TENM4: variants seen among roughly 807,000 people sequenced by gnomAD.
The protein encoded by TENM4 is teneurin transmembrane protein 4.
A neutral mutation model predicts 243.3 loss-of-function variants in TENM4; 82 were observed. That is an observed-to-expected ratio of 0.34 (90% CI 0.28 to 0.40). The LOEUF is 0.40. Among genes scored for constraint, TENM4 ranks in the 10% least tolerant of loss-of-function variants. The pLI is 1.00. For synonymous variants in TENM4, 1,412 were observed against 1,456.3 expected, an observed-to-expected ratio of 0.97 and a Z score of 0.69; for missense variants, 3,138 against 3,673.3, an observed-to-expected ratio of 0.85 and a Z score of 3.77.
chr11:79,410,590 A>G (rs1297645880), intron 1 of TENM4, among the ~76,000 whole-genome samples: 1 of 152,218 alleles, frequency 6.6e-6, no homozygotes, highest in Non-Finnish European at 1.5e-5. Flanking sequence ...GTCCTGTCCT[A>G]ACACATATGT....
chr11:79,012,462 T>C (rs1183671208), intron 6 of TENM4, among the ~76,000 whole-genome samples: 3 of 152,142 alleles, frequency 2.0e-5, no homozygotes. Flanking sequence ...TTGATCTTTG[T>C]AATAACCCTG....
chr11:79,107,737 T>G (rs1021625848), intron 4 of TENM4, among the ~76,000 whole-genome samples: 1 of 152,244 alleles, frequency 6.6e-6, no homozygotes, highest in South Asian at 2.1e-4. Context: ...ATGCCCTTGA[T>G]GCCACACGCA....
At chr11:79,378,451 G>T (rs775949153) in intron 1 of TENM4, among the ~76,000 whole-genome samples, 52 of 152,240 alleles carry the variant, frequency 3.4e-4, no homozygotes, top group Non-Finnish European at 6.2e-4. Flanking sequence ...GCCCAGCTAA[G>T]TGAGGAGCAT....
At chr11:79,128,420 A>T (rs1308366306) in intron 4 of TENM4, among the ~76,000 whole-genome samples, 1 of 152,212 alleles carries the variant, frequency 6.6e-6, no homozygotes, top group Non-Finnish European at 1.5e-5. Context: ...GAAATGGTAT[A>T]TACGTGATTG....
At chr11:79,221,850 G>A (rs569407320) in intron 2 of TENM4, among the ~76,000 whole-genome samples, 6 of 151,912 alleles carry the variant, frequency 3.9e-5, no homozygotes, top group South Asian at 2.1e-4. Flanking sequence ...TTTTTTACAC[G>A]TCCTCTGTGG....
intron 17 of TENM4, among the ~76,000 whole-genome samples, chr11:78,772,373 G>C (rs560249895): frequency 9.9e-5 from 15 of 152,094 alleles, no homozygotes; most frequent in Admixed American, 7.9e-4. Context: ...TTCTCCAAGG[G>C]GCTATCAAAA....
intron 2 of TENM4, among the ~76,000 whole-genome samples, chr11:79,291,347 T>C (rs1393346602): frequency 6.6e-6 from 1 of 152,116 alleles, no homozygotes; most frequent in Non-Finnish European, 1.5e-5. Context: ...CCAAAGAAGG[T>C]TTGCAAACAA....
chr11:79,299,996 C>T (rs1320274571), intron 1 of TENM4, among the ~76,000 whole-genome samples: 2 of 152,184 alleles, frequency 1.3e-5, no homozygotes, highest in African/African-American at 4.8e-5. Context: ...CAAATGGACC[C>T]CTGACTATTC....
At chr11:79,429,033 T>G (rs1859112795) in intron 1 of TENM4, among the ~76,000 whole-genome samples, 1 of 152,118 alleles carries the variant, frequency 6.6e-6, no homozygotes, top group Non-Finnish European at 1.5e-5. Flanking sequence ...CCTAGGTGAT[T>G]CTAATGCACC....
intron 6 of TENM4, among the ~76,000 whole-genome samples, chr11:78,949,377 A>G (rs1397446133): frequency 6.6e-6 from 1 of 152,224 alleles, no homozygotes; most frequent in Non-Finnish European, 1.5e-5. Context: ...ATCTTTGTGT[A>G]ATGAATAAAT....
At chr11:79,388,266 G>A (rs934784390) in intron 1 of TENM4, among the ~76,000 whole-genome samples, 3 of 152,114 alleles carry the variant, frequency 2.0e-5, no homozygotes, top group Admixed American at 2.0e-4. Context: ...GAATGCAGTG[G>A]GATGCTGCAT....
chr11:78,860,412 C>T (rs183477463), intron 10 of TENM4, among the ~76,000 whole-genome samples: 1 of 152,342 alleles, frequency 6.6e-6, no homozygotes, highest in East Asian at 1.9e-4. Flanking sequence ...TACTGTCTGG[C>T]TCCAAGGCCC....
At chr11:78,898,099 T>A (rs1455758354) in intron 7 of TENM4, among the ~76,000 whole-genome samples, 1 of 152,074 alleles carries the variant, frequency 6.6e-6, no homozygotes, top group Non-Finnish European at 1.5e-5. Flanking sequence ...AACATATGGC[T>A]CCCTCCAGAA....
At chr11:79,395,072 T>C (rs1858314518) in intron 1 of TENM4, among the ~76,000 whole-genome samples, 1 of 152,214 alleles carries the variant, frequency 6.6e-6, no homozygotes, top group Non-Finnish European at 1.5e-5. Context: ...ACCATTCCAT[T>C]TGTGGTACTT....
intron 2 of TENM4, among the ~76,000 whole-genome samples, chr11:79,241,121 A>G (rs1864579892): frequency 6.8e-6 from 1 of 146,000 alleles, no homozygotes. Flanking sequence ...TTGATAAAGC[A>G]CTCTTTTTTT....
chr11:79,054,710 T>C (rs573674512), intron 6 of TENM4, among the ~76,000 whole-genome samples: 33 of 152,140 alleles, frequency 2.2e-4, no homozygotes, highest in Non-Finnish European at 4.6e-4. Flanking sequence ...CCTCCCAAAG[T>C]GCTGAGATTA....
intron 1 of TENM4, among the ~76,000 whole-genome samples, chr11:79,379,429 G>A (rs910793964): frequency 6.6e-6 from 1 of 152,188 alleles, no homozygotes; most frequent in Non-Finnish European, 1.5e-5. Flanking sequence ...AGCGTAGAGT[G>A]GAAACAGGAC....
chr11:79,064,849 G>A lies in TENM4; in HGVS notation c.382C>T (p.Pro128Ser). The A allele has an allele frequency of 6.4e-7, 1 of 1,551,436 alleles. No homozygotes were observed. The highest frequency in any genetic ancestry group is 8.7e-7 in the Non-Finnish European group (1 of 1,146,986). ...EADTVLSPEH[P>S]VRLWGRSTRS... ...GTGCTCCGGCCCCACAGACGCACGGGGTGCTCAGGGGACAGCACCGTGTCA... is the reference window on the plus strand; with the variant it reads ...GTGCTCCGGCCCCACAGACGCACGGAGTGCTCAGGGGACAGCACCGTGTCA... Residue 128 changes from proline (P) to serine (S), a missense_variant, in exon 6 of 34, where the codon CCC becomes TCC. Pro to Ser is a moderately conservative substitution (Grantham distance 74, BLOSUM62 -1). Coordinates refer to ENST00000278550, the MANE Select transcript of TENM4 (RefSeq NM_001098816.3).
chr11:78,781,072 G>T (rs1425462786), intron 16 of TENM4, among the ~76,000 whole-genome samples: 1 of 152,178 alleles, frequency 6.6e-6, no homozygotes, highest in Non-Finnish European at 1.5e-5. Context: ...TTGAAAATGG[G>T]AGTGACAAAT....
Sources: allele counts gnomAD v4.1 joint callset (sites outside exome capture counted in the v4.1 genomes callset), GRCh38; gene constraint gnomAD v4.1.1; transcripts MANE v1.5; gene names NCBI Gene and HGNC (gene_info 2026-07-23, HGNC 2026-07-21).